RGPD1: variants seen among roughly 807,000 people sequenced by gnomAD.
The protein encoded by RGPD1 is RANBP2 like and GRIP domain containing 1, also known as RANBP2-like and GRIP domain-containing protein 1.
In RGPD1, 7 loss-of-function variants were observed where a neutral mutation model predicts 40.6. The ratio of observed to expected loss-of-function variants is 0.17; its 90% CI spans 0.10 to 0.32. The LOEUF is 0.32. Among genes scored for constraint, RGPD1 ranks in the 10% least tolerant of loss-of-function variants. The probability of loss-of-function intolerance (pLI) is 1.00; values close to 1 mark genes in which losing one functional copy is unlikely to be tolerated. For missense variants in RGPD1, 50 were observed against 472.5 expected, an observed-to-expected ratio of 0.11 and a Z score of 8.29; for synonymous variants, 24 against 167.0, an observed-to-expected ratio of 0.14 and a Z score of 6.60.
rs550969835 is a variant in RGPD1, at chr2:86,924,489, C to T, written c.72+10568C>T. On this transcript the variant is annotated intron_variant, in intron 1 of 22. Coordinates refer to the RGPD1 transcript ENST00000398193. ...ACATTTTCATTTCTTTTTTAAGAGA[C>T]GGGGTGTCACTTTTTGCCTACGCCG... 4.0e-5 allele frequency among the ~76,000 whole-genome samples: 6 copies of T among 149,948 alleles called. 1 individual carries two copies. Among genetic ancestry groups the T allele is most frequent in the African/African-American group, 7.3e-5 (3 of 41,204 alleles).
At chr2:86,924,121 C>A (rs867771403) in intron 1 of RGPD1, among the ~76,000 whole-genome samples, 1 of 114,900 alleles carries the variant, frequency 8.7e-6, no homozygotes, top group African/African-American at 3.3e-5. Flanking sequence ...AAGCTACTGC[C>A]AAAATTCACT....
intron 22 of RGPD1, among the ~76,000 whole-genome samples, chr2:87,009,085 C>G (rs577575868): frequency 2.1e-5 from 3 of 143,534 alleles, no homozygotes; most frequent in African/African-American, 8.0e-5. Context: ...GCGGGCAGAT[C>G]GCAAGGTCAG....
chr2:86,943,288 C>G (rs1284424094), intron 1 of RGPD1, among the ~76,000 whole-genome samples: 3 of 124,088 alleles, frequency 2.4e-5, no homozygotes, highest in Non-Finnish European at 5.1e-5. Context: ...CCCCCCACCC[C>G]GCCCAGAACA....
Position 87,013,052 on chromosome 2 carries a change from A to AT in RGPD1, c.*511dup, listed in dbSNP as rs1357612371. On this transcript the variant is annotated 3_prime_UTR_variant, in exon 23 of 23. Transcript: ENST00000641458. ...AACTCCATTTTTGACAGGTGATGCC[A>AT]TTTTTTGTTTTGGACATCGTCCCTC... 9.7e-6 allele frequency: 5 copies of AT among 513,032 alleles called. No individual in the cohort carries two copies. Among genetic ancestry groups the AT allele is most frequent in the Admixed American group, 7.2e-5 (3 of 41,804 alleles). The allele number at this position is 513,032 out of a possible 1,614,324, so 31.8% of individuals were successfully genotyped here. A position where few individuals can be genotyped will look rare whatever the true frequency, so the allele number is the denominator to read the frequency against.
intron 1 of RGPD1, among the ~76,000 whole-genome samples, chr2:86,914,091 C>CGGG (rs1677600605): frequency 5.4e-5 from 2 of 37,324 alleles, no homozygotes; most frequent in African/African-American, 1.7e-4. Flanking sequence ...CGGGCGGCGG[C>CGGG]GGCGGCGGCG....
At chr2:86,936,883 A>G (rs552834396) in intron 1 of RGPD1, among the ~76,000 whole-genome samples, 32 of 142,684 alleles carry the variant, frequency 2.2e-4, no homozygotes, top group African/African-American at 8.3e-4. Flanking sequence ...TCACAAAAGC[A>G]CAGACATTGC....
intron 1 of RGPD1, among the ~76,000 whole-genome samples, chr2:86,944,774 C>T (rs900212768): frequency 1.3e-5 from 2 of 152,050 alleles, no homozygotes; most frequent in Non-Finnish European, 2.9e-5. Flanking sequence ...GTGGCAGGAT[C>T]GTGGCTCACT....
upstream of RGPD1, among the ~76,000 whole-genome samples, chr2:86,941,784 C>G (rs1410173437): frequency 6.7e-6 from 1 of 150,306 alleles, no homozygotes; most frequent in Admixed American, 6.6e-5. Context: ...GATCTCAGCT[C>G]ACTGCAACCC....
chr2:86,928,553 AGAT>A (rs1321223665), intron 1 of RGPD1, among the ~76,000 whole-genome samples: 1 of 152,274 alleles, frequency 6.6e-6, no homozygotes, highest in Non-Finnish European at 1.5e-5. Context: ...TTTAGGTAAC[AGAT>A]GATGATGGTT....
At chr2:86,918,518 G>T (rs1211536532) in intron 1 of RGPD1, among the ~76,000 whole-genome samples, 7 of 132,314 alleles carry the variant, frequency 5.3e-5, no homozygotes, top group Non-Finnish European at 1.1e-4. Flanking sequence ...GGAGTGCAAT[G>T]GCGCAATCTC....
At chr2:86,936,755 C>A (rs1434141988) in intron 1 of RGPD1, among the ~76,000 whole-genome samples, 1 of 116,792 alleles carries the variant, frequency 8.6e-6, no homozygotes, top group Non-Finnish European at 1.7e-5. Flanking sequence ...CGAAGTGCTG[C>A]GATTACAGGC....
intron 1 of RGPD1, among the ~76,000 whole-genome samples, chr2:86,945,707 G>A (rs1172408238): frequency 1.3e-5 from 2 of 151,188 alleles, no homozygotes; most frequent in Admixed American, 6.6e-5. Flanking sequence ...GTGAAAATCC[G>A]TCTCTATTAA....
At position 86,920,506 on chromosome 2, in the gene RGPD1, T is replaced by C. The variant is rs200902238; in HGVS notation, c.72+6585T>C. Among the ~76,000 whole-genome samples the C allele has an allele frequency of 1.1e-3, 138 of 120,288 alleles. No individual in the cohort carries two copies. In the East Asian group the frequency reaches 0.026, roughly 22 times the overall value. 78.9% of individuals were successfully genotyped at this position (120,288 alleles called of 152,430 possible). A position where few individuals can be genotyped will look rare whatever the true frequency, so the allele number is the denominator to read the frequency against. On this transcript the variant is annotated intron_variant, in intron 1 of 22. Coordinates refer to the RGPD1 transcript ENST00000398193. ...AAAAAGCATGTCAGCTTTCTGTAGT[T>C]TTGTGTATCATTGTCCTTGGAACTT...
chr2:86,993,128 C>T (rs1326203022), intron 20 of RGPD1, among the ~76,000 whole-genome samples: 1 of 151,736 alleles, frequency 6.6e-6, no homozygotes, highest in Non-Finnish European at 1.5e-5. Context: ...TTTGAACAAT[C>T]TCACACTTAA....
At chr2:86,939,598 GAA>G (rs1679591117), upstream of RGPD1, among the ~76,000 whole-genome samples, 1 of 136,166 alleles carries the variant, frequency 7.3e-6, no homozygotes, top group Non-Finnish European at 1.6e-5. Context: ...AAAAAAGAAA[GAA>G]AGAAAGAAAA....
intron 1 of RGPD1, among the ~76,000 whole-genome samples, chr2:86,945,374 G>A (rs1449284160): frequency 6.6e-6 from 1 of 152,138 alleles, no homozygotes; most frequent in Admixed American, 6.5e-5. Context: ...TGACAAAACA[G>A]GGTGCTTTGG....
chr2:86,942,607 G>A (rs1476047744), intron 1 of RGPD1, among the ~76,000 whole-genome samples: 2 of 129,430 alleles, frequency 1.5e-5, no homozygotes, highest in Admixed American at 7.5e-5. Flanking sequence ...GGCTCCCGAC[G>A]GGCGCTGCTC....
At chr2:87,009,043 C>T (rs1475044064) in intron 22 of RGPD1, among the ~76,000 whole-genome samples, 2 of 149,648 alleles carry the variant, frequency 1.3e-5, no homozygotes, top group African/African-American at 5.0e-5. Context: ...TGGTGGCTTA[C>T]GCCTATAATG....
chr2:86,923,141 C>G (rs1376235804), intron 1 of RGPD1, among the ~76,000 whole-genome samples: 2 of 143,242 alleles, frequency 1.4e-5, no homozygotes, highest in African/African-American at 5.3e-5. Context: ...CAGGTTCAAG[C>G]AGTTCTCCTG....
Sources: gnomAD v4.1 joint callset for allele counts (sites outside exome capture counted in the v4.1 genomes callset) on GRCh38, gnomAD v4.1.1 for gene constraint, MANE v1.5 for transcripts, NCBI Gene and HGNC (gene_info 2026-07-23, HGNC 2026-07-21) for gene names.